The following IGFL2 variants were observed in gnomAD, a reference collection of about 807,000 sequenced individuals.
IGFL2 encodes the protein IGF like family member 2.
Under a neutral mutation model 13.9 loss-of-function variants are expected in IGFL2, and 7 were observed. The observed-to-expected ratio is 0.51, with a 90% confidence interval of 0.29 to 0.95. The LOEUF (loss-of-function observed/expected upper bound fraction) is 0.95, where lower values mean the gene tolerates loss of function less well. Among genes scored for constraint, IGFL2 ranks in the 40% least tolerant of loss-of-function variants. IGFL2 has a pLI of 0.08. For missense variants in IGFL2, 138 were observed against 147.8 expected (o/e 0.93, Z 0.34); for synonymous variants, 55 against 55.8 (o/e 0.99, Z 0.07).
upstream of IGFL2, among the ~76,000 whole-genome samples, chr19:46,139,979 C>A (rs1380589982): frequency 6.6e-6 from 1 of 152,014 alleles, no homozygotes; most frequent in African/African-American, 2.4e-5. Context: ...GACGGAGTTT[C>A]ATTCTTGTTG....
chr19:46,079,255 G>A, the IGFL2 span, among the ~76,000 whole-genome samples: 1 of 152,270 alleles, frequency 6.6e-6, no homozygotes, highest in Non-Finnish European at 1.5e-5. Flanking sequence ...ATGCTGCAGA[G>A]TTCATGGCTG....
At chr19:46,195,576 T>C in the IGFL2 span, among the ~76,000 whole-genome samples, 1 of 152,066 alleles carries the variant, frequency 6.6e-6, no homozygotes, top group South Asian at 2.1e-4. Context: ...TCTAAATGTA[T>C]GTATTTATTT....
the IGFL2 span, among the ~76,000 whole-genome samples, chr19:46,178,959 A>T: frequency 6.6e-6 from 1 of 151,936 alleles, no homozygotes; most frequent in Non-Finnish European, 1.5e-5. Flanking sequence ...AACCTCTTTA[A>T]ATATTTTACA....
chr19:46,137,316 T>C, the IGFL2 span: 25 of 1,058,034 alleles, frequency 2.4e-5, no homozygotes, highest in Admixed American at 4.3e-4. Context: ...CTTCGTAGGC[T>C]CATTTATCTG....
chr19:46,154,570 A>G (rs529428815), intron 1 of IGFL2, among the ~76,000 whole-genome samples: 4 of 152,066 alleles, frequency 2.6e-5, no homozygotes, highest in Non-Finnish European at 5.9e-5. Flanking sequence ...CAGCCTCCCA[A>G]GTAGCTGGAA....
chr19:46,100,035 A>G, the IGFL2 span, among the ~76,000 whole-genome samples: 5 of 151,904 alleles, frequency 3.3e-5, no homozygotes, highest in Admixed American at 2.0e-4. Context: ...ACCCTTTATC[A>G]TGGTTCTTGG....
chr19:46,099,576 T>G, the IGFL2 span, among the ~76,000 whole-genome samples: 3 of 151,836 alleles, frequency 2.0e-5, no homozygotes, highest in Admixed American at 1.3e-4. Flanking sequence ...TCACCCAGGC[T>G]GGAGTGCAGT....
chr19:46,194,295 G>T, the IGFL2 span, among the ~76,000 whole-genome samples: 1 of 152,088 alleles, frequency 6.6e-6, no homozygotes, highest in African/African-American at 2.4e-5. Flanking sequence ...GTCTGCAAGG[G>T]CCTCTCTCTG....
the IGFL2 span, chr19:46,210,339 A>G: frequency 6.6e-6 from 1 of 152,228 alleles, no homozygotes; most frequent in African/African-American, 2.4e-5. Flanking sequence ...AGCCAGAGAG[A>G]CATTGTGGTT....
chr19:46,160,672 C>A lies in IGFL2; in HGVS notation c.132C>A (p.Ile44=). The A allele has an allele frequency of 2.5e-6, 4 of 1,614,198 alleles. No individual in the cohort carries two copies. The highest frequency in any genetic ancestry group is 3.4e-6 in the Non-Finnish European group (4 of 1,180,022). ...CGGCACCCAGGTGTGGAGACAAGATCTACAACCCCTTGGAGCAGTGCTGTT... is the reference window on the plus strand; with the variant it reads ...CGGCACCCAGGTGTGGAGACAAGATATACAACCCCTTGGAGCAGTGCTGTT... ...CQPAPRCGDK[I]YNPLEQCCYN... Residue 44 remains isoleucine, a synonymous_variant, in exon 3 of 4, where the codon ATC becomes ATA. Transcript: ENST00000377693.
At chr19:46,169,087 G>C in the IGFL2 span, among the ~76,000 whole-genome samples, 1 of 152,062 alleles carries the variant, frequency 6.6e-6, no homozygotes, top group Admixed American at 6.6e-5. Context: ...TGTACCTGTA[G>C]TCCTAGCTTC....
the IGFL2 span, chr19:46,197,239 C>G: frequency 2.1e-3 from 419 of 197,914 alleles, 4 homozygotes; most frequent in African/African-American, 9.3e-3. Context: ...GATGAAAGGC[C>G]AGAAGTGCTC....
At chr19:46,213,408 G>A in the IGFL2 span, 1 of 152,812 alleles carries the variant, frequency 6.5e-6, no homozygotes, top group Non-Finnish European at 1.5e-5. Context: ...TACAAGGAGT[G>A]GCTGAGATCG....
the IGFL2 span, among the ~76,000 whole-genome samples, chr19:46,129,789 C>T: frequency 2.0e-5 from 3 of 152,042 alleles, no homozygotes; most frequent in Non-Finnish European, 2.9e-5. Context: ...ATTATGTGGT[C>T]GATTTTTCAA....
chr19:46,137,194 A>G, the IGFL2 span: 25 of 1,589,070 alleles, frequency 1.6e-5, no homozygotes, highest in South Asian at 2.8e-4. Flanking sequence ...CAAACTTCAC[A>G]GAGCTTGTTT....
At chr19:46,090,758 A>T in the IGFL2 span, among the ~76,000 whole-genome samples, 1 of 152,180 alleles carries the variant, frequency 6.6e-6, no homozygotes, top group African/African-American at 2.4e-5. Context: ...CAGTGATGCA[A>T]ACTGTGGATT....
At chr19:46,205,507 A>C in the IGFL2 span, among the ~76,000 whole-genome samples, 1 of 152,124 alleles carries the variant, frequency 6.6e-6, no homozygotes, top group African/African-American at 2.4e-5. Flanking sequence ...TGATCCAACC[A>C]ATCTGTGGGC....
At position 46,160,301 on chromosome 19, in the gene IGFL2, G is replaced by C. The variant is rs45474091; in HGVS notation, c.20-114G>C. 2,346 of 871,532 alleles carry C rather than the reference G, an allele frequency of 2.7e-3. 8 individuals are homozygous for C. The highest frequency in any genetic ancestry group is 3.0e-3 in the Non-Finnish European group (1,628 of 536,848). The allele number at this position is 871,532 out of a possible 1,614,324, so 54.0% of individuals were successfully genotyped here. ...TATGCAAAGATAGTTCCAAACCCAAGCCTTTAGAGCTAATCTGGAACTAAG... is the reference window on the plus strand; with the variant it reads ...TATGCAAAGATAGTTCCAAACCCAACCCTTTAGAGCTAATCTGGAACTAAG... On this transcript the variant is annotated intron_variant, in intron 1 of 3. Coordinates refer to ENST00000377693, the MANE Select transcript of IGFL2 (RefSeq NM_001135113.2).
At chr19:46,184,877 T>G in the IGFL2 span, among the ~76,000 whole-genome samples, 19 of 152,220 alleles carry the variant, frequency 1.2e-4, no homozygotes, top group Non-Finnish European at 2.8e-4. Flanking sequence ...CCACCAACAG[T>G]GTAAAAGCAT....
Sources: allele counts gnomAD v4.1 joint callset (sites outside exome capture counted in the v4.1 genomes callset), GRCh38; gene constraint gnomAD v4.1.1; transcripts MANE v1.5; gene names NCBI Gene and HGNC (gene_info 2026-07-23, HGNC 2026-07-21).